FBRSL1: variants seen among roughly 807,000 people sequenced by gnomAD.
FBRSL1 encodes the protein fibrosin-1-like protein.
FBRSL1 carries 51 observed loss-of-function variants against 89.6 expected under a neutral mutation model. The ratio of observed to expected loss-of-function variants is 0.57; its 90% CI spans 0.45 to 0.72. The LOEUF is 0.72. FBRSL1 is among the 30% of genes least tolerant of loss of function. The pLI is 0.00. For synonymous variants in FBRSL1, 779 were observed against 681.1 expected, an observed-to-expected ratio of 1.14 and a Z score of -2.24; for missense variants, 1,618 against 1,451.8, an observed-to-expected ratio of 1.11 and a Z score of -1.86.
intron 15 of FBRSL1, among the ~76,000 whole-genome samples, chr12:132,579,743 C>T (rs753827200): frequency 6.6e-6 from 1 of 152,120 alleles, no homozygotes; most frequent in African/African-American, 2.4e-5. Context: ...GGCTCTTTGC[C>T]GTCTTCAGTG....
chr12:132,534,460 C>T (rs2036548393), intron 4 of FBRSL1, among the ~76,000 whole-genome samples: 1 of 152,290 alleles, frequency 6.6e-6, no homozygotes, highest in Non-Finnish European at 1.5e-5. Flanking sequence ...GTCGCACCCT[C>T]TGCCAGGGCG....
rs1053474813 is a variant in FBRSL1 at position 132,546,715 on chromosome 12, C to T, written c.616-1288C>T. On this transcript the variant is annotated intron_variant, in intron 4 of 18. Transcript: ENST00000680143. The surrounding 1 kb of genome is among the most constrained non-coding windows in gnomAD (Gnocchi z 4.0). ...CCTGTCAGCCTCAGGAGACCCCCCC[C>T]ACAGGCCCACCCCAGCTGCCCAGCT... Among the ~76,000 whole-genome samples the T allele has an allele frequency of 1.3e-5, 2 of 152,216 alleles. No homozygotes were observed. Among genetic ancestry groups the T allele is most frequent in the Non-Finnish European group, 2.9e-5 (2 of 68,020 alleles).
intron 4 of FBRSL1, among the ~76,000 whole-genome samples, chr12:132,544,235 C>T (rs973461449): frequency 2.0e-5 from 3 of 152,134 alleles, no homozygotes; most frequent in Non-Finnish European, 4.4e-5. Context: ...GAAGTGGTCA[C>T]GAGGGCCATT....
intron 4 of FBRSL1, among the ~76,000 whole-genome samples, chr12:132,531,619 C>T (rs1456593582): frequency 6.6e-6 from 1 of 151,990 alleles, no homozygotes; most frequent in Non-Finnish European, 1.5e-5. Context: ...GTGCATGTGG[C>T]ATTGTGTTGT....
intron 9 of FBRSL1, chr12:132,572,032 C>G (rs973448902): frequency 1.8e-6 from 1 of 556,592 alleles, no homozygotes. Flanking sequence ...GCCAGGCACA[C>G]AGACTGCCTG....
chr12:132,582,906 C>A, intron 18 of FBRSL1, 65 bp from the exon 19 acceptor site: 1 of 1,273,576 alleles, frequency 7.9e-7, no homozygotes, highest in South Asian at 1.9e-5. Context: ...CGGGAACATC[C>A]CGGGGCTGCG....
At chr12:132,555,263 A>AG (rs1055966404) in intron 5 of FBRSL1, among the ~76,000 whole-genome samples, 3 of 151,848 alleles carry the variant, frequency 2.0e-5, no homozygotes, top group Non-Finnish European at 4.4e-5. Context: ...GTATCTCTGG[A>AG]GGGGGGTCAC....
intron 1 of FBRSL1, among the ~76,000 whole-genome samples, chr12:132,491,530 G>A (rs542625711): frequency 1.3e-5 from 2 of 152,366 alleles, no homozygotes; most frequent in East Asian, 3.9e-4. Context: ...ATGCTAGCAA[G>A]TTGCCCTGCA....
At chr12:132,521,636 G>A (rs777157136) in intron 2 of FBRSL1, among the ~76,000 whole-genome samples, 29 of 152,340 alleles carry the variant, frequency 1.9e-4, no homozygotes, top group Non-Finnish European at 3.1e-4. Context: ...TGAATGTGAT[G>A]CCATGGGATG....
chr12:132,514,930 T>G (rs2034701811), intron 2 of FBRSL1, among the ~76,000 whole-genome samples: 1 of 152,134 alleles, frequency 6.6e-6, no homozygotes, highest in South Asian at 2.1e-4. Flanking sequence ...TTTTTACTCT[T>G]TTTTTTGTAG....
chr12:132,551,163 A>G, intron 5 of FBRSL1: 1 of 347,674 alleles, frequency 2.9e-6, no homozygotes, highest in Non-Finnish European at 5.7e-6. Flanking sequence ...AGACAGGAAC[A>G]TGGGGGTGCT....
rs894765917 is a variant in FBRSL1 at position 132,583,668 on chromosome 12, A to G, written c.2899A>G (p.Thr967Ala). 324 of 1,095,020 alleles carry G rather than the reference A, an allele frequency of 3.0e-4. No homozygotes were observed. Among genetic ancestry groups the G allele is most frequent in the Middle Eastern group, 3.9e-4 (1 of 2,552 alleles). The allele number at this position is 1,095,020 out of a possible 1,614,324, so 67.8% of individuals were successfully genotyped here. ...CCTGGTGACGGCGGCCGGGCCCCCC[A>G]CGCCCCCCGGGCCGCCGCGGAGCCG... ...PPLVTAAGPP[T>A]PPGPPRSRTT... is the part of the protein sequence containing the mutation. The change falls in exon 19 of 19, where the codon ACG (threonine) becomes GCG (alanine). Residue 967 changes from threonine (T) to alanine (A), a missense_variant. Physicochemically the swap from Thr to Ala is moderately conservative, Grantham distance 58. Coordinates refer to ENST00000680143, the MANE Select transcript of FBRSL1 (RefSeq NM_001367871.1).
At position 132,546,302 on chromosome 12, in the gene FBRSL1, G is replaced by A. The variant is rs1217880616; in HGVS notation, c.616-1701G>A. Among the ~76,000 whole-genome samples the A allele has an allele frequency of 6.6e-6, 1 of 152,270 alleles. No homozygotes were observed. Among genetic ancestry groups the A allele is most frequent in the Admixed American group, 6.5e-5 (1 of 15,292 alleles). On this transcript the variant is annotated intron_variant, in intron 4 of 18. Transcript: ENST00000680143. The surrounding 1 kb of genome is among the most constrained non-coding windows in gnomAD (Gnocchi z 4.0). ...CAGCAAAGCTGGTCTGCATGTCGGG[G>A]TCCTGTGGCCCAGCCCTTGGTGAGC...
chr12:132,530,965 T>C (rs1308098491), intron 4 of FBRSL1, among the ~76,000 whole-genome samples: 2 of 127,506 alleles, frequency 1.6e-5, no homozygotes, highest in African/African-American at 5.9e-5. Context: ...GCCCATGCTG[T>C]CAGCCCTGCG....
intron 4 of FBRSL1, among the ~76,000 whole-genome samples, chr12:132,535,521 G>A (rs563678587): frequency 1.5e-4 from 23 of 152,356 alleles, no homozygotes; most frequent in African/African-American, 4.1e-4. Flanking sequence ...GAGCTGATCC[G>A]CAGGTGTGTG....
In FBRSL1 at chr12:132,508,271, T is replaced by C; in HGVS notation, c.410T>C (p.Leu137Pro). Residue 137 changes from leucine (L) to proline (P), a missense_variant, in exon 2 of 19, where the codon CTG (leucine) becomes CCG (proline). Physicochemically the swap from Leu to Pro is moderately conservative, Grantham distance 98. Transcript: ENST00000680143. ...GAGCCCAGTGAGAACAGGCGGCCCC[T>C]GGAGGCAGGCAGCCCCGGGCAGGAC... ...PAEPSENRRP[L>P]EAGSPGQDLE... 1 of 1,550,376 alleles carries C rather than the reference T, an allele frequency of 6.5e-7. No homozygotes were observed.
At position 132,570,334 on chromosome 12, in the gene FBRSL1, G is replaced by C; in HGVS notation, c.1008-1G>C. 1 of 1,529,174 alleles carries C rather than the reference G, an allele frequency of 6.5e-7. No individual in the cohort carries two copies. The allele number at this position is 1,529,174 out of a possible 1,614,324, so 94.7% of individuals were successfully genotyped here. A position where few individuals can be genotyped will look rare whatever the true frequency, so the allele number is the denominator to read the frequency against. On this transcript the variant is annotated splice_acceptor_variant, in intron 7 of 18. Coordinates refer to ENST00000680143, the MANE Select transcript of FBRSL1 (RefSeq NM_001367871.1). LOFTEE classifies it high-confidence loss of function. ...CAGGCACTGAGCCCCGTGTCCCGCAGCAGGAGCAGCAGCGCCCCCCTGGGC... is the reference window on the plus strand; with the variant it reads ...CAGGCACTGAGCCCCGTGTCCCGCACCAGGAGCAGCAGCGCCCCCCTGGGC...
At position 132,532,921 on chromosome 12, in the gene FBRSL1, C is replaced by T. The variant is rs142386485; in HGVS notation, c.615+4933C>T. Among the ~76,000 whole-genome samples, 543 of 152,298 alleles carry T rather than the reference C, an allele frequency of 3.6e-3. 3 individuals are homozygous for T. Among genetic ancestry groups the T allele is most frequent in the Middle Eastern group, 0.014 (4 of 294 alleles). ...AGATGCCCACCAGCCGCTGGGGTCC[C>T]GCTGCCCTCGCTCTGTGCCAGGGCC... On this transcript the variant is annotated intron_variant, in intron 4 of 18. Coordinates refer to ENST00000680143, the MANE Select transcript of FBRSL1 (RefSeq NM_001367871.1).
chr12:132,548,103 G>A lies in FBRSL1; in HGVS notation c.645+71G>A, dbSNP rs923249873. On this transcript the variant is annotated intron_variant, in intron 5 of 18. Transcript: ENST00000680143. ...TTCCCTGCTGACCTTGGCCCTGTGA[G>A]GTGGGCCCTGGAGACCAGGCAGAAG... The A allele has an allele frequency of 2.6e-6, 4 of 1,518,024 alleles. No individual in the cohort carries two copies. In the East Asian group the frequency reaches 9.9e-5, roughly 37 times the overall value. The allele number at this position is 1,518,024 out of a possible 1,614,324, so 94.0% of individuals were successfully genotyped here. A position where few individuals can be genotyped will look rare whatever the true frequency, so the allele number is the denominator to read the frequency against.
Sources: gnomAD v4.1 joint callset for allele counts (sites outside exome capture counted in the v4.1 genomes callset) on GRCh38, gnomAD v4.1.1 for gene constraint, Gnocchi (gnomAD v3.1) non-coding constraint, MANE v1.5 for transcripts, NCBI Gene and HGNC (gene_info 2026-07-23, HGNC 2026-07-21) for gene names.